Variants in ERBB2 observed in about 807,000 individuals in gnomAD.
The protein encoded by ERBB2 is receptor tyrosine-protein kinase erbB-2.
ERBB2 carries 61 observed loss-of-function variants against 149.0 expected under a neutral mutation model. The ratio of observed to expected loss-of-function variants is 0.41; its 90% CI spans 0.33 to 0.51. The LOEUF (loss-of-function observed/expected upper bound fraction) is 0.51, where lower values mean the gene tolerates loss of function less well. ERBB2 is among the 20% of genes least tolerant of loss of function. The pLI is 0.25. For synonymous variants in ERBB2, 633 were observed against 678.8 expected (o/e 0.93, Z 1.05); for missense variants, 1,205 against 1,655.1 (o/e 0.73, Z 4.72).
chr17:39,705,730 G>A (rs568310786), intron 1 of ERBB2, among the ~76,000 whole-genome samples: 5 of 152,230 alleles, frequency 3.3e-5, no homozygotes, highest in Admixed American at 1.3e-4. Flanking sequence ...GGGGTACCTC[G>A]TATTACCCCC....
chr17:39,717,406 C>G lies in ERBB2; in HGVS notation c.1824C>G (p.Leu608=), dbSNP rs768648444. The change falls in exon 15 of 27, where the codon CTC becomes CTG. Residue 608 remains leucine (L), a synonymous_variant. Coordinates refer to ENST00000269571, the MANE Select transcript of ERBB2 (RefSeq NM_004448.4). Reference sequence around the variant, plus strand: ...GCCCCAGCGGTGTGAAACCTGACCTCTCCTACATGCCCATCTGGAAGTTTC... The same window carrying G: ...GCCCCAGCGGTGTGAAACCTGACCTGTCCTACATGCCCATCTGGAAGTTTC... ...ARCPSGVKPD[L]SYMPIWKFPD... is the part of the protein sequence containing the mutation. 2 of 1,613,112 alleles carry G rather than the reference C, an allele frequency of 1.2e-6. No individual in the cohort carries two copies. The highest frequency in any genetic ancestry group is 2.7e-5 in the African/African-American group (2 of 74,914).
intron 1 of ERBB2, among the ~76,000 whole-genome samples, chr17:39,700,972 T>C (rs2145291026): frequency 7.5e-6 from 1 of 132,814 alleles, no homozygotes; most frequent in South Asian, 2.3e-4. Context: ...GGGGCCAGCT[T>C]AGGGACTGTG....
intron 3 of ERBB2, 50 bp downstream of exon 3, chr17:39,708,584 A>G (rs2058603650): frequency 6.9e-7 from 1 of 1,443,270 alleles, no homozygotes; most frequent in Non-Finnish European, 9.7e-7. Flanking sequence ...AGAGCTGACC[A>G]GGGCCACTGC....
In ERBB2 at chr17:39,725,783, G is replaced by T. The variant is rs2059721584; in HGVS notation, c.2802G>T (p.Leu934=). ...DGIPAREIPD[L]LEKGERLPQP... ...TCCCAGCCCGGGAGATCCCTGACCT[G>T]CTGGAAAAGGGGGAGCGGCTGCCCC... Residue 934 remains leucine, a synonymous_variant, in exon 23 of 27, where the codon CTG becomes CTT. Transcript: ENST00000269571. The surrounding 1 kb of genome is among the most constrained non-coding windows in gnomAD (Gnocchi z 4.6). The T allele has an allele frequency of 6.2e-7, 1 of 1,613,426 alleles. No individual in the cohort carries two copies. Among genetic ancestry groups the T allele is most frequent in the Non-Finnish European group, 8.5e-7 (1 of 1,179,788 alleles).
intron 7 of ERBB2, among the ~76,000 whole-genome samples, chr17:39,710,796 T>A (rs376349163): frequency 6.6e-6 from 1 of 152,238 alleles, no homozygotes. Flanking sequence ...CTGCATAAGA[T>A]GGTTATAACA....
chr17:39,691,554 A>T (rs893920994), upstream of ERBB2, among the ~76,000 whole-genome samples: 61 of 114,478 alleles, frequency 5.3e-4, 3 homozygotes, highest in East Asian at 3.1e-3. Context: ...ATTAAAAAAA[A>T]AAATATATAT....
Position 39,725,494 on chromosome 17 carries a change from C to A in ERBB2, c.2725+92C>A. The A allele has an allele frequency of 7.2e-7, 1 of 1,395,984 alleles. No individual in the cohort carries two copies. The highest frequency in any genetic ancestry group is 1.0e-6 in the Non-Finnish European group (1 of 994,002). 86.5% of individuals were successfully genotyped at this position (1,395,984 alleles called of 1,614,324 possible). The stretch of plus-strand genomic sequence containing the variant: ...GATGGGGAGAATTACGGGGCCACCT[C>A]AGCATGTGAAGGGAGGGAAGGGGCT... On this transcript the variant is annotated intron_variant, in intron 22 of 26. Coordinates refer to ENST00000269571, the MANE Select transcript of ERBB2 (RefSeq NM_004448.4). This position sits in a 1 kb window ranked among gnomAD's most constrained non-coding sequence, Gnocchi z 4.6.
upstream of ERBB2, chr17:39,699,940 T>A: frequency 2.6e-6 from 3 of 1,137,948 alleles, no homozygotes; most frequent in Non-Finnish European, 3.4e-6. Context: ...ACTCCCAGAC[T>A]TGTTGGAATG....
intron 14 of ERBB2, chr17:39,717,014 G>A (rs900227371): frequency 9.1e-6 from 4 of 441,150 alleles, no homozygotes; most frequent in Admixed American, 7.4e-5. Context: ...AGTGAAGCAC[G>A]GGAAAGGCTT....
Position 39,715,429 on chromosome 17 carries a change from T to C in ERBB2, c.1223-17T>C, listed in dbSNP as rs2059062936. 6.2e-7 allele frequency: 1 copy of C among 1,613,948 alleles called. No individual in the cohort carries two copies. The highest frequency in any genetic ancestry group is 1.1e-5 in the South Asian group (1 of 91,094). On this transcript the variant is annotated splice_polypyrimidine_tract_variant and intron_variant, in intron 10 of 26. Coordinates refer to ENST00000269571, the MANE Select transcript of ERBB2 (RefSeq NM_004448.4). ...TTGTCCTGTCCCCACTCCTTTAATC[T>C]CACCCTCTGCCTGCAGGTTACCTAT...
At chr17:39,700,881 A>C (rs1597851787) in intron 1 of ERBB2, among the ~76,000 whole-genome samples, 1 of 151,428 alleles carries the variant, frequency 6.6e-6, no homozygotes, top group Non-Finnish European at 1.5e-5. Flanking sequence ...AGAGCCGGGG[A>C]GGAAAGGGTG....
chr17:39,688,099 T>G, upstream of ERBB2: 1 of 1,203,514 alleles, frequency 8.3e-7, no homozygotes, highest in Non-Finnish European at 1.1e-6. Context: ...CCTGTGTTCT[T>G]TATTCTACTC....
chr17:39,703,683 G>A (rs967614910), intron 1 of ERBB2, among the ~76,000 whole-genome samples: 6 of 152,206 alleles, frequency 3.9e-5, no homozygotes, highest in Non-Finnish European at 7.3e-5. Flanking sequence ...GGAGGTCTGG[G>A]AACTTGCTCA....
rs104886011 is a variant in ERBB2, at chr17:39,725,075, G to A, written c.2520G>A (p.Arg840=). ...AKGMSYLEDV[R]LVHRDLAARN... is the part of the protein sequence containing the mutation. ...GGATGAGCTACCTGGAGGATGTGCG[G>A]CTCGTACACAGGGACTTGGCCGCTC... is the stretch of plus-strand genomic sequence containing the variant. Residue 840 remains arginine, a synonymous_variant, in exon 21 of 27, where the codon CGG becomes CGA. Coordinates refer to ENST00000269571, the MANE Select transcript of ERBB2 (RefSeq NM_004448.4). This position sits in a 1 kb window ranked among gnomAD's most constrained non-coding sequence, Gnocchi z 4.6. The A allele has an allele frequency of 6.2e-7, 1 of 1,614,196 alleles. No homozygotes were observed.
chr17:39,694,267 A>ATT, upstream of ERBB2, among the ~76,000 whole-genome samples: 1 of 25,612 alleles, frequency 3.9e-5, no homozygotes, highest in East Asian at 7.2e-4. Context: ...ATATATATAT[A>ATT]TGTGTGTATA....
chr17:39,695,066 C>T (rs1483645435), upstream of ERBB2: 3 of 152,542 alleles, frequency 2.0e-5, no homozygotes, highest in Non-Finnish European at 4.4e-5. Flanking sequence ...ACGGGGGCAC[C>T]AGTAGAATGG....
intron 19 of ERBB2, among the ~76,000 whole-genome samples, chr17:39,724,317 C>G (rs565851994): frequency 1.1e-4 from 13 of 119,518 alleles, no homozygotes; most frequent in East Asian, 4.7e-4. Context: ...GTCACCCAGG[C>G]TAGAGTGAAA....
intron 1 of ERBB2, among the ~76,000 whole-genome samples, chr17:39,705,669 A>G (rs2058382089): frequency 1.3e-5 from 2 of 152,224 alleles, no homozygotes; most frequent in African/African-American, 4.8e-5. Context: ...TGGCCCAGGC[A>G]GGGAACCTGG....
Position 39,719,225 on chromosome 17 carries a change from CA to C in ERBB2, c.1899-561del, listed in dbSNP as rs1274492854. ...GCAGTGAGACGAGATTGCACCAGTG[CA>C]CTCCAACCTGGGCAACACAGTGCAA... On this transcript the variant is annotated intron_variant, in intron 15 of 26. Coordinates refer to ENST00000269571, the MANE Select transcript of ERBB2 (RefSeq NM_004448.4). Among the ~76,000 whole-genome samples, 4 of 151,504 alleles carry C rather than the reference CA, an allele frequency of 2.6e-5. No individual in the cohort carries two copies. The South Asian group carries it at 6.2e-4, about 24-fold the overall frequency.
Sources: allele counts gnomAD v4.1 joint callset (sites outside exome capture counted in the v4.1 genomes callset), GRCh38; gene constraint gnomAD v4.1.1; non-coding constraint Gnocchi (gnomAD v3.1); transcripts MANE v1.5; gene names NCBI Gene and HGNC (gene_info 2026-07-23, HGNC 2026-07-21).